NDRG2: variants seen among roughly 807,000 people sequenced by gnomAD.
The protein encoded by NDRG2 is protein NDRG2.
Under a neutral mutation model 58.2 loss-of-function variants are expected in NDRG2, and 34 were observed. That is an observed-to-expected ratio of 0.58 (90% CI 0.44 to 0.78). NDRG2 has a LOEUF of 0.78. Ranked by LOEUF, NDRG2 falls within the 30% of genes least tolerant of loss-of-function variation. NDRG2 has a pLI of 0.00. For synonymous variants in NDRG2, 187 were observed against 175.9 expected (o/e 1.06, Z -0.50); for missense variants, 434 against 471.2 (o/e 0.92, Z 0.73).
chr14:21,057,116 C>T (rs1203055608), intron 1 of NDRG2, among the ~76,000 whole-genome samples: 2 of 152,142 alleles, frequency 1.3e-5, no homozygotes, highest in Non-Finnish European at 2.9e-5. Context: ...GGGGTATTGA[C>T]CTTTCACATG....
intron 1 of NDRG2, among the ~76,000 whole-genome samples, chr14:21,041,675 A>T (rs1040120749): frequency 6.6e-6 from 1 of 152,218 alleles, no homozygotes; most frequent in Non-Finnish European, 1.5e-5. Context: ...ACATTTGGGC[A>T]GTATTAAATT....
At chr14:21,064,183 T>C (rs1886126549) in intron 1 of NDRG2, among the ~76,000 whole-genome samples, 1 of 152,138 alleles carries the variant, frequency 6.6e-6, no homozygotes, top group Non-Finnish European at 1.5e-5. Context: ...TGCGGAGGAG[T>C]ACATTTCTAC....
Position 21,045,758 on chromosome 14 carries a change from A to C in NDRG2, c.25-22437T>G, listed in dbSNP as rs111819799. On this transcript the variant is annotated intron_variant, in intron 1 of 14. Coordinates refer to the NDRG2 transcript ENST00000403829. Reference sequence around the variant, plus strand: ...GAAACTTGACCTAATATAGCATTAAAAGTTGACCTAAATAGCATTAAATAA... The same window carrying C: ...GAAACTTGACCTAATATAGCATTAACAGTTGACCTAAATAGCATTAAATAA... Among the ~76,000 whole-genome samples, 1,018 of 152,358 alleles carry C rather than the reference A, an allele frequency of 6.7e-3. 3 individuals carry two copies. Among genetic ancestry groups the C allele is most frequent in the Middle Eastern group, 0.024 (7 of 294 alleles).
intron 1 of NDRG2, chr14:21,057,953 G>A (rs749418655): frequency 1.1e-5 from 18 of 1,613,918 alleles, no homozygotes; most frequent in East Asian, 2.2e-5. Flanking sequence ...GCTGTGGGTG[G>A]CAGAGGTCCT....
At position 21,017,685 on chromosome 14, in the gene NDRG2, G is replaced by A. The variant is rs752842250; in HGVS notation, c.1027C>T (p.Arg343Trp). The change falls in exon 16 of 16, where the codon CGG (arginine) becomes TGG (tryptophan). Residue 343 changes from arginine (R) to tryptophan (W), a missense_variant. Physicochemically the swap from Arg to Trp is moderately radical, Grantham distance 101. Coordinates refer to ENST00000556147, the MANE Select transcript of NDRG2 (RefSeq NM_001320329.2). ...TGGGACAGGGTGCGAGAGCGGGACC[G>A]GTTGCCATCAACGGATGCTGCACTG... ...LTSAASVDGN[R>W]SRSRTLSQSS... The A allele has an allele frequency of 8.1e-6, 13 of 1,610,200 alleles. No individual in the cohort carries two copies. The highest frequency in any genetic ancestry group is 2.7e-5 in the African/African-American group (2 of 74,868).
chr14:21,025,127 G>T, upstream of NDRG2: 1 of 970,952 alleles, frequency 1.0e-6, no homozygotes, highest in Non-Finnish European at 1.2e-6. This position sits in a 1 kb window ranked among gnomAD's most constrained non-coding sequence, Gnocchi z 5.1. Flanking sequence ...GCCCCAGCCC[G>T]CCCACGGGCG....
At chr14:21,041,575 C>A (rs982357976) in intron 1 of NDRG2, among the ~76,000 whole-genome samples, 6 of 152,176 alleles carry the variant, frequency 3.9e-5, no homozygotes, top group Non-Finnish European at 8.8e-5. Context: ...ATGCTCCACA[C>A]AGCTGTAACC....
rs776755366 is a variant in NDRG2 at position 21,018,227 on chromosome 14, C to T, written c.874G>A (p.Gly292Arg). 8.1e-6 allele frequency: 13 copies of T among 1,613,602 alleles called. No individual in the cohort carries two copies. The highest frequency in any genetic ancestry group is 2.2e-5 in the South Asian group (2 of 91,088). Reference sequence around the variant, plus strand: ...ACCTGAGTCAGCTGGGGCTGACCTCCGGAGTCAGCCATCTGTTCAGGAGAG... The same window carrying T: ...ACCTGAGTCAGCTGGGGCTGACCTCTGGAGTCAGCCATCTGTTCAGGAGAG... ...QTSFLKMADS[G>R]GQPQLTQPGK... Residue 292 changes from glycine to arginine, a missense_variant, in exon 14 of 16, where the codon GGA (glycine) becomes AGA (arginine). Transcript: ENST00000556147.
At chr14:21,043,499 A>G (rs751463253) in intron 1 of NDRG2, 4 of 1,431,746 alleles carry the variant, frequency 2.8e-6, no homozygotes, top group Non-Finnish European at 3.8e-6. Flanking sequence ...CTGACCTTCA[A>G]TTCCCTCTCC....
At chr14:21,047,342 TCAGATATTAA>T (rs1204984599) in intron 1 of NDRG2, among the ~76,000 whole-genome samples, 3 of 152,194 alleles carry the variant, frequency 2.0e-5, no homozygotes, top group African/African-American at 7.2e-5. Context: ...AAGTAACTAT[TCAGATATTAA>T]CAATAAATCC....
Position 21,019,986 on chromosome 14 carries a change from G to A in NDRG2, c.556-10C>T, listed in dbSNP as rs769317294. 78 of 1,613,088 alleles carry A rather than the reference G, an allele frequency of 4.8e-5. No individual in the cohort carries two copies. Among genetic ancestry groups the A allele is most frequent in the Non-Finnish European group, 6.5e-5 (77 of 1,179,762 alleles). On this transcript the variant is annotated splice_polypyrimidine_tract_variant and intron_variant, in intron 8 of 15. Transcript: ENST00000556147. ...AGGTGAGGCCTGTTAGCTATGAGGA[G>A]AAGGCAGGTGAGAAAGTTCAGGGTA... is the stretch of plus-strand genomic sequence containing the variant.
intron 1 of NDRG2, among the ~76,000 whole-genome samples, chr14:21,047,111 C>T (rs1438147968): frequency 6.6e-6 from 1 of 152,192 alleles, no homozygotes; most frequent in African/African-American, 2.4e-5. Context: ...TATCGGTCAA[C>T]TAATTTCCTA....
Position 21,024,134 on chromosome 14 carries a change from A to G in NDRG2, c.-111T>C. 1 of 985,432 alleles carries G rather than the reference A, an allele frequency of 1.0e-6. No individual in the cohort carries two copies. Among genetic ancestry groups the G allele is most frequent in the Non-Finnish European group, 1.2e-6 (1 of 829,954 alleles). The allele number at this position is 985,432 out of a possible 1,614,324, so 61.0% of individuals were successfully genotyped here. A position where few individuals can be genotyped will look rare whatever the true frequency, so the allele number is the denominator to read the frequency against. On this transcript the variant is annotated 5_prime_UTR_variant, in exon 1 of 16. Coordinates refer to ENST00000556147, the MANE Select transcript of NDRG2 (RefSeq NM_001320329.2). ...AGCAACGAGGTGAATGACATGGGAGACAGACCTGGGGTCTTTCAGGGACGG... is the reference window on the plus strand; with the variant it reads ...AGCAACGAGGTGAATGACATGGGAGGCAGACCTGGGGTCTTTCAGGGACGG...
chr14:21,034,688 A>G (rs1884501113), intron 1 of NDRG2: 2 of 191,174 alleles, frequency 1.0e-5, no homozygotes, highest in Non-Finnish European at 1.1e-5. Context: ...GAGGAAGGAC[A>G]GGAGCTGAAG....
At position 21,023,247 on chromosome 14, in the gene NDRG2, C is replaced by G. The variant is rs113588489; in HGVS notation, c.69G>C (p.Ala23=). 6.2e-7 allele frequency: 1 copy of G among 1,613,804 alleles called. No homozygotes were observed. The highest frequency in any genetic ancestry group is 2.2e-5 in the East Asian group (1 of 44,886). ...KPLLPGQTPE[A]AKEAELAARI... is the part of the protein sequence containing the mutation. ...TCAAACGGTCTCTAATAACCTTGGCCGCCTCAGGCGTCTGTCCTGGCAACA... is the reference window on the plus strand; with the variant it reads ...TCAAACGGTCTCTAATAACCTTGGCGGCCTCAGGCGTCTGTCCTGGCAACA... Residue 23 remains alanine (A), a synonymous_variant, in exon 2 of 16, where the codon GCG becomes GCC. Transcript: ENST00000556147.
chr14:21,063,919 A>C (rs1886111497), intron 1 of NDRG2, among the ~76,000 whole-genome samples: 2 of 152,242 alleles, frequency 1.3e-5, no homozygotes, highest in South Asian at 2.1e-4. Context: ...CTAAGTATTC[A>C]AAACTCCCTT....
chr14:21,031,135 G>A (rs764570838), intron 1 of NDRG2: 2 of 1,613,956 alleles, frequency 1.2e-6, no homozygotes, highest in African/African-American at 2.7e-5. Flanking sequence ...GACTCATGGA[G>A]GGCAAAGACC....
At chr14:21,042,885 G>T in intron 1 of NDRG2, 1 of 899,168 alleles carries the variant, frequency 1.1e-6, no homozygotes, top group Admixed American at 2.8e-5. Context: ...CGAGTAGGGA[G>T]ATGGGTGACT....
intron 1 of NDRG2, among the ~76,000 whole-genome samples, chr14:21,052,479 T>C (rs1239797391): frequency 6.6e-6 from 1 of 152,072 alleles, no homozygotes. Context: ...GGATGGATAA[T>C]ATTTGAGGGA....
Sources: allele counts gnomAD v4.1 joint callset (sites outside exome capture counted in the v4.1 genomes callset), GRCh38; gene constraint gnomAD v4.1.1; non-coding constraint Gnocchi (gnomAD v3.1); transcripts MANE v1.5; gene names NCBI Gene and HGNC (gene_info 2026-07-23, HGNC 2026-07-21).